CCDC171: variants seen among roughly 807,000 people sequenced by gnomAD.
The protein encoded by CCDC171 is coiled-coil domain-containing protein 171.
A neutral mutation model predicts 168.2 loss-of-function variants in CCDC171; 177 were observed. The observed-to-expected ratio is 1.05, with a 90% confidence interval of 0.93 to 1.19. The LOEUF (loss-of-function observed/expected upper bound fraction) is 1.19, where lower values mean the gene tolerates loss of function less well. Ranked by LOEUF, CCDC171 falls within the 50% of genes most tolerant of loss-of-function variation. The pLI is 0.00. For missense variants in CCDC171, 1,991 were observed against 1,539.0 expected (o/e 1.29, Z -4.91); for synonymous variants, 687 against 540.8 (o/e 1.27, Z -3.75).
At chr9:15,962,343 T>C (rs1379566956) in intron 25 of CCDC171, among the ~76,000 whole-genome samples, 1 of 152,178 alleles carries the variant, frequency 6.6e-6, no homozygotes, top group African/African-American at 2.4e-5. Context: ...TTAACTATGC[T>C]TCTGGTTGAA....
At chr9:15,777,505 T>A in intron 18 of CCDC171, 95 bp from the exon 19 acceptor site, 1 of 668,888 alleles carries the variant, frequency 1.5e-6, no homozygotes, top group Non-Finnish European at 2.5e-6. Context: ...GGGAATTATA[T>A]AATTAAAAAA....
At chr9:16,040,514 A>G (rs955912856), upstream of CCDC171, among the ~76,000 whole-genome samples, 8 of 151,996 alleles carry the variant, frequency 5.3e-5, no homozygotes, top group African/African-American at 1.4e-4. Context: ...CCCATAGGTG[A>G]CCTGTCAGGT....
At position 15,689,284 on chromosome 9, in the gene CCDC171, T is replaced by G. The variant is rs888865581; in HGVS notation, c.1216-5951T>G. Among the ~76,000 whole-genome samples the G allele has an allele frequency of 1.6e-4, 24 of 152,328 alleles. 1 individual carries two copies. Among genetic ancestry groups the G allele is most frequent in the East Asian group, 9.6e-4 (5 of 5,192 alleles). On this transcript the variant is annotated intron_variant, in intron 10 of 25. Coordinates refer to ENST00000380701, the MANE Select transcript of CCDC171 (RefSeq NM_173550.4). ...ATACTGATGTTAGTACTCCCCAGAT[T>G]GATGGTTTAATGCAATCTCCATCAA...
intron 3 of CCDC171, among the ~76,000 whole-genome samples, chr9:16,020,213 A>G (rs1833124007): frequency 6.6e-6 from 1 of 152,230 alleles, no homozygotes; most frequent in East Asian, 1.9e-4. Context: ...TAAAAATATT[A>G]TACAAATTAC....
the CCDC171 span, among the ~76,000 whole-genome samples, chr9:16,067,424 C>G: frequency 1.3e-5 from 2 of 152,082 alleles, no homozygotes; most frequent in African/African-American, 4.8e-5. Context: ...CCTGTTCACT[C>G]TGATGGTAGT....
chr9:15,867,415 A>G (rs1212415391), intron 23 of CCDC171, among the ~76,000 whole-genome samples: 3 of 152,056 alleles, frequency 2.0e-5, no homozygotes, highest in African/African-American at 4.8e-5. Context: ...CTCTGCCTCT[A>G]AAAAACCCAA....
chr9:15,789,488 C>G (rs994684484), intron 21 of CCDC171, among the ~76,000 whole-genome samples: 1 of 152,102 alleles, frequency 6.6e-6, no homozygotes, highest in African/African-American at 2.4e-5. Context: ...TTGTTTTAAG[C>G]AAAAGCTAAG....
In CCDC171 at chr9:15,723,718, A is replaced by G. The variant is rs776409055; in HGVS notation, c.1463A>G (p.Lys488Arg). ...ACNELDSTKQKIDSHTKNIKE... is the reference protein window; with the variant it reads ...ACNELDSTKQRIDSHTKNIKE... Reference sequence around the variant, plus strand: ...AATGAACTTGATTCTACGAAACAGAAGATAGACTCTCACACTAAAAATATA... The same window carrying G: ...AATGAACTTGATTCTACGAAACAGAGGATAGACTCTCACACTAAAAATATA... Residue 488 changes from lysine (K) to arginine (R), a missense_variant, in exon 13 of 26, where the codon AAG becomes AGG. Coordinates refer to ENST00000380701, the MANE Select transcript of CCDC171 (RefSeq NM_173550.4). 1.3e-6 allele frequency: 2 copies of G among 1,571,502 alleles called. No individual in the cohort carries two copies. The highest frequency in any genetic ancestry group is 1.7e-6 in the Non-Finnish European group (2 of 1,147,726).
chr9:15,745,763 T>G (rs1395044519), intron 18 of CCDC171, 132 bp downstream of exon 18: 5 of 506,240 alleles, frequency 9.9e-6, no homozygotes, highest in Admixed American at 3.4e-5. Flanking sequence ...TATTCAGTCA[T>G]AGAGAGATTG....
chr9:15,733,517 A>C (rs1164354219), intron 16 of CCDC171, among the ~76,000 whole-genome samples: 4 of 147,002 alleles, frequency 2.7e-5, no homozygotes, highest in Non-Finnish European at 6.0e-5. Context: ...CCATTCCAGT[A>C]ACATTTATTG....
intron 1 of CCDC171, among the ~76,000 whole-genome samples, chr9:16,057,276 C>G (rs1237537770): frequency 1.3e-5 from 2 of 152,096 alleles, no homozygotes; most frequent in African/African-American, 4.8e-5. Context: ...AAACAAGAAG[C>G]AAAATCAAAG....
Position 15,973,663 on chromosome 9 carries a change from A to G in CCDC171, c.*1827A>G, listed in dbSNP as rs1429799066. ...ATGAAATTCAACTTGCAAATTTATT[A>G]TAACATGGAAGTGCTATTTATTGTT... is the stretch of plus-strand genomic sequence containing the variant. On this transcript the variant is annotated 3_prime_UTR_variant, in exon 26 of 26. Coordinates refer to ENST00000380701, the MANE Select transcript of CCDC171 (RefSeq NM_173550.4). 2 of 152,190 alleles carry G rather than the reference A, an allele frequency of 1.3e-5. No homozygotes were observed. Among genetic ancestry groups the G allele is most frequent in the Non-Finnish European group, 2.9e-5 (2 of 68,034 alleles). The allele number at this position is 152,190 out of a possible 1,614,324, so 9.4% of individuals were successfully genotyped here. A position where few individuals can be genotyped will look rare whatever the true frequency, so the allele number is the denominator to read the frequency against.
intron 23 of CCDC171, among the ~76,000 whole-genome samples, chr9:15,861,207 T>C (rs1264117373): frequency 2.1e-5 from 2 of 96,840 alleles, no homozygotes; most frequent in African/African-American, 3.8e-5. Context: ...AGACAGCGTA[T>C]AGTTGGATCT....
chr9:15,914,093 G>A (rs947544041), intron 24 of CCDC171, among the ~76,000 whole-genome samples: 1 of 152,242 alleles, frequency 6.6e-6, no homozygotes, highest in Non-Finnish European at 1.5e-5. Flanking sequence ...CCTGCTGGGA[G>A]TTGTCTCCCT....
At chr9:15,955,783 AT>A (rs1214273570) in intron 25 of CCDC171, among the ~76,000 whole-genome samples, 1 of 152,078 alleles carries the variant, frequency 6.6e-6, no homozygotes, top group Non-Finnish European at 1.5e-5. Context: ...ATTATATTAC[AT>A]TTTTAATAAG....
intron 3 of CCDC171, among the ~76,000 whole-genome samples, chr9:16,006,408 A>G (rs181372592): frequency 6.6e-6 from 1 of 152,260 alleles, no homozygotes; most frequent in East Asian, 1.9e-4. Flanking sequence ...AGAAATGACT[A>G]TGCAGATTCT....
chr9:15,855,463 G>A (rs2061315598), intron 23 of CCDC171, among the ~76,000 whole-genome samples: 1 of 151,844 alleles, frequency 6.6e-6, no homozygotes, highest in African/African-American at 2.4e-5. Context: ...GTTATAGACA[G>A]TGTAAAATGA....
intron 11 of CCDC171, among the ~76,000 whole-genome samples, chr9:15,716,353 A>T (rs565416877): frequency 6.6e-6 from 1 of 152,240 alleles, no homozygotes; most frequent in African/African-American, 2.4e-5. Flanking sequence ...TTTCTTTGAT[A>T]GGATAGCTTT....
At chr9:15,667,848 A>T (rs972500759) in intron 9 of CCDC171, among the ~76,000 whole-genome samples, 1 of 152,110 alleles carries the variant, frequency 6.6e-6, no homozygotes, top group Admixed American at 6.5e-5. Context: ...TCTTAACTGA[A>T]TTTCCTTGCT....
Sources: allele counts gnomAD v4.1 joint callset (sites outside exome capture counted in the v4.1 genomes callset), GRCh38; gene constraint gnomAD v4.1.1; transcripts MANE v1.5; gene names NCBI Gene and HGNC (gene_info 2026-07-23, HGNC 2026-07-21).